Variants in STRA6 observed in about 807,000 individuals in gnomAD.
The protein encoded by STRA6 is receptor for retinol uptake STRA6.
In STRA6, 48 loss-of-function variants were observed where a neutral mutation model predicts 83.6. The observed-to-expected ratio is 0.57, with a 90% CI of 0.46 to 0.73. STRA6 has a LOEUF of 0.73. Ranked by LOEUF, STRA6 falls within the 30% of genes least tolerant of loss-of-function variation. STRA6 has a pLI of 0.00. For synonymous variants in STRA6, 353 were observed against 362.3 expected, an observed-to-expected ratio of 0.97 and a Z score of 0.29; for missense variants, 760 against 838.8, an observed-to-expected ratio of 0.91 and a Z score of 1.16.
Position 74,188,999 on chromosome 15 carries a change from AG to A in STRA6, c.1090+115del. The A allele has an allele frequency of 7.9e-7, 1 of 1,265,178 alleles. No individual in the cohort carries two copies. 78.4% of individuals were successfully genotyped at this position (1,265,178 alleles called of 1,614,324 possible). A position where few individuals can be genotyped will look rare whatever the true frequency, so the allele number is the denominator to read the frequency against. ...GATGAGGCAATCGAGACCCAGAGAG[AG>A]GAAGGAATGTGTCCAAGGGCCCCCA... is the stretch of plus-strand genomic sequence containing the variant. On this transcript the variant is annotated intron_variant, in intron 12 of 18. Coordinates refer to ENST00000395105, the MANE Select transcript of STRA6 (RefSeq NM_022369.4). The surrounding 1 kb of genome is among the most constrained non-coding windows in gnomAD (Gnocchi z 4.5).
chr15:74,210,931 T>G (rs1936769007), upstream of STRA6, among the ~76,000 whole-genome samples: 2 of 152,094 alleles, frequency 1.3e-5, no homozygotes, highest in South Asian at 4.1e-4. Flanking sequence ...GACTATGAGA[T>G]AGAAGTCATG....
At chr15:74,203,558 T>C (rs1333996932), upstream of STRA6, among the ~76,000 whole-genome samples, 1 of 152,274 alleles carries the variant, frequency 6.6e-6, no homozygotes, top group Admixed American at 6.5e-5. Context: ...GGCTTCGGCT[T>C]GGACCCTGTC....
intron 3 of STRA6, 129 bp downstream of exon 3, chr15:74,197,623 A>G: frequency 7.6e-7 from 1 of 1,309,946 alleles, no homozygotes; most frequent in Non-Finnish European, 1.1e-6. Context: ...AGCTGGGAGA[A>G]CTCCCAGATA....
intron 4 of STRA6, 197 bp from the exon 5 acceptor site, chr15:74,196,344 A>T (rs1369294884): frequency 8.1e-6 from 7 of 868,498 alleles, no homozygotes; most frequent in Non-Finnish European, 1.2e-5. Context: ...CCCCGTGCCA[A>T]AGGGACTTGG....
intron 10 of STRA6, 95 bp downstream of exon 10, chr15:74,191,072 T>C: frequency 6.4e-7 from 1 of 1,571,708 alleles, no homozygotes. Context: ...TGACAAGGAT[T>C]CTGGGGAGCA....
chr15:74,207,629 T>A (rs2074289279), upstream of STRA6: 3 of 1,440,628 alleles, frequency 2.1e-6, no homozygotes, highest in East Asian at 7.4e-5. Context: ...CACCCCCAAC[T>A]TCGATAGCAC....
rs771869597 is a variant in STRA6, at chr15:74,202,169, C to T, written c.99G>A (p.Glu33=). 11 of 1,505,098 alleles carry T rather than the reference C, an allele frequency of 7.3e-6. No homozygotes were observed. The highest frequency in any genetic ancestry group is 2.8e-5 in the African/African-American group (2 of 71,286). 93.2% of individuals were successfully genotyped at this position (1,505,098 alleles called of 1,614,324 possible). ...WYIDEPQGGE[E]LQPEGEVPSC... is the part of the protein sequence containing the mutation. Reference sequence around the variant, plus strand: ...TCCACACTTACCCCTCTGGCTGGAGCTCCTCGCCCCCCTGGGGCTCATCGA... The same window carrying T: ...TCCACACTTACCCCTCTGGCTGGAGTTCCTCGCCCCCCTGGGGCTCATCGA... Residue 33 remains glutamate (E), a synonymous_variant, in exon 2 of 19, where the codon GAG becomes GAA. Transcript: ENST00000395105.
At position 74,195,355 on chromosome 15, in the gene STRA6, C is replaced by T. The variant is rs1402541510; in HGVS notation, c.544G>A (p.Ala182Thr). 2 of 1,613,456 alleles carry T rather than the reference C, an allele frequency of 1.2e-6. No individual in the cohort carries two copies. The highest frequency in any genetic ancestry group is 1.1e-5 in the South Asian group (1 of 91,040). ...TGCCAGACCTGGACCCCAAGGTGGG[C>T]CCAGGACAGCGTGCTGCCGAGCAGG... Reference protein sequence around the residue: ...AHLLGSTLSWAHLGVQVWQRA... With the variant: ...AHLLGSTLSWTHLGVQVWQRA... Residue 182 changes from alanine (A) to threonine (T), a missense_variant, in exon 7 of 19, where the codon GCC becomes ACC. Physicochemically the swap from Ala to Thr is moderately conservative, Grantham distance 58 (BLOSUM62 0). Transcript: ENST00000395105.
At chr15:74,210,076 G>C (rs1173683517), upstream of STRA6, among the ~76,000 whole-genome samples, 1 of 152,184 alleles carries the variant, frequency 6.6e-6, no homozygotes, top group East Asian at 1.9e-4. Flanking sequence ...AGCTCAAGCC[G>C]AGAAAGGGAA....
chr15:74,182,126 GCCTGAGGGAGCCACAAGC>G lies in STRA6; in HGVS notation c.1520+17_1520+34del, dbSNP rs2073024291. On this transcript the variant is annotated intron_variant, in intron 16 of 18. Coordinates refer to ENST00000395105, the MANE Select transcript of STRA6 (RefSeq NM_022369.4). ...GAGAGACACCGAAGAAGAGGCGAGG[GCCTGAGGGAGCCACAAGC>G]CCAGATGCCACCTCACCGGTTGGTC... 1 of 1,573,616 alleles carries G rather than the reference GCCTGAGGGAGCCACAAGC, an allele frequency of 6.4e-7. No homozygotes were observed. The highest frequency in any genetic ancestry group is 1.1e-5 in the South Asian group (1 of 90,196).
Position 74,207,932 on chromosome 15 carries a change from A to C in STRA6, c.-16+868T>G. 6.9e-6 allele frequency: 10 copies of C among 1,451,674 alleles called. No homozygotes were observed. In the East Asian group the frequency reaches 1.3e-4, roughly 19 times the overall value. 89.9% of individuals were successfully genotyped at this position (1,451,674 alleles called of 1,614,324 possible). Reference sequence around the variant, plus strand: ...GCTCACGGCAGGAAGAGTATGGGTGACTCTCCACCTCCTGTCTCTCTACCT... The same window carrying C: ...GCTCACGGCAGGAAGAGTATGGGTGCCTCTCCACCTCCTGTCTCTCTACCT... On this transcript the variant is annotated intron_variant, in intron 1 of 18. Coordinates refer to the STRA6 transcript ENST00000323940.
rs2072884687 is a variant in STRA6 at position 74,179,775 on chromosome 15, G to C, written c.*305C>G. On this transcript the variant is annotated 3_prime_UTR_variant, in exon 19 of 19. Transcript: ENST00000395105. The stretch of plus-strand genomic sequence containing the variant: ...TTCATCGAGGCCCTTCAAGGCTGAT[G>C]GCAGAGCCAGGGTAGGGAGACGCCT... The C allele has an allele frequency of 2.7e-6, 1 of 365,376 alleles. No individual in the cohort carries two copies. The highest frequency in any genetic ancestry group is 5.1e-6 in the Non-Finnish European group (1 of 197,262). The allele number at this position is 365,376 out of a possible 1,614,324, so 22.6% of individuals were successfully genotyped here. A position where few individuals can be genotyped will look rare whatever the true frequency, so the allele number is the denominator to read the frequency against.
chr15:74,186,551 T>C (rs1367284356), intron 12 of STRA6, among the ~76,000 whole-genome samples: 1 of 151,980 alleles, frequency 6.6e-6, no homozygotes, highest in Non-Finnish European at 1.5e-5. Context: ...GAGGTTGCAG[T>C]GAGCCGAGAT....
intron 2 of STRA6, among the ~76,000 whole-genome samples, chr15:74,198,387 A>T (rs2142065586): frequency 6.6e-6 from 1 of 152,286 alleles, no homozygotes; most frequent in Middle Eastern, 3.4e-3. Flanking sequence ...CTGGGATTAC[A>T]GGTGTGAGCC....
intron 12 of STRA6, among the ~76,000 whole-genome samples, chr15:74,186,644 G>GTAAT (rs2073260525): frequency 6.6e-6 from 1 of 150,926 alleles, no homozygotes; most frequent in Admixed American, 6.6e-5. Context: ...GGTGGTATGT[G>GTAAT]CCTGTAATCC....
intron 12 of STRA6, among the ~76,000 whole-genome samples, chr15:74,185,464 C>T (rs1211582104): frequency 6.6e-6 from 1 of 152,238 alleles, no homozygotes; most frequent in Non-Finnish European, 1.5e-5. Flanking sequence ...GTTATGCTGC[C>T]CAGCTCTCAG....
intron 2 of STRA6, among the ~76,000 whole-genome samples, chr15:74,199,104 A>T (rs916304620): frequency 6.6e-5 from 10 of 152,168 alleles, no homozygotes; most frequent in African/African-American, 1.9e-4. Flanking sequence ...AGGGCCTGAG[A>T]TGGAGCCTGG....
intron 9 of STRA6, 33 bp from the exon 10 acceptor site, chr15:74,191,276 C>T (rs1595843726): frequency 6.2e-7 from 1 of 1,612,442 alleles, no homozygotes; most frequent in East Asian, 2.2e-5. Context: ...GCGGGGTCCT[C>T]AGGGGAAGCC....
chr15:74,188,862 G>C lies in STRA6; in HGVS notation c.1090+253C>G, dbSNP rs916163632. 1.3e-5 allele frequency among the ~76,000 whole-genome samples: 2 copies of C among 152,202 alleles called. No homozygotes were observed. Among genetic ancestry groups the C allele is most frequent in the African/African-American group, 4.8e-5 (2 of 41,450 alleles). On this transcript the variant is annotated intron_variant, in intron 12 of 18. Coordinates refer to ENST00000395105, the MANE Select transcript of STRA6 (RefSeq NM_022369.4). This position sits in a 1 kb window ranked among gnomAD's most constrained non-coding sequence, Gnocchi z 4.5. ...CCTGGATAGTTGGTCAGAGACACTG[G>C]GGGTGGTGGGGGAAGATGCCACAGA...
Sources: allele counts gnomAD v4.1 joint callset (sites outside exome capture counted in the v4.1 genomes callset), GRCh38; gene constraint gnomAD v4.1.1; non-coding constraint Gnocchi (gnomAD v3.1); transcripts MANE v1.5; gene names NCBI Gene and HGNC (gene_info 2026-07-23, HGNC 2026-07-21).